Variants in RGS5 observed in about 807,000 individuals in gnomAD.
The protein encoded by RGS5 is regulator of G protein signaling 5.
In RGS5, 20 loss-of-function variants were observed where a neutral mutation model predicts 18.9. The observed-to-expected ratio is 1.06, with a 90% CI of 0.74 to 1.54. The LOEUF is 1.54. Among genes scored for constraint, RGS5 ranks in the 40% most tolerant of loss-of-function variants. RGS5 has a pLI of 0.00. For missense variants in RGS5, 201 were observed against 211.8 expected, an observed-to-expected ratio of 0.95 and a Z score of 0.32; for synonymous variants, 57 against 76.2, an observed-to-expected ratio of 0.75 and a Z score of 1.31.
At chr1:163,197,994 C>A (rs558633670) in intron 1 of RGS5, among the ~76,000 whole-genome samples, 1 of 152,240 alleles carries the variant, frequency 6.6e-6, no homozygotes, top group African/African-American at 2.4e-5. Flanking sequence ...GGAACCTTGA[C>A]TCACTCTAGT....
intron 2 of RGS5, among the ~76,000 whole-genome samples, chr1:163,295,469 T>C (rs374819807): frequency 1.3e-5 from 2 of 152,342 alleles, no homozygotes; most frequent in East Asian, 1.9e-4. Context: ...TGGGAAAGTT[T>C]ATACCCTTAA....
chr1:163,238,575 G>A lies in RGS5; in HGVS notation c.-281+67658C>T, dbSNP rs375128180. ...TTATGGGACAATTGTAGAGCAACCT[G>A]GTGACCATGGTCCTAAAGCTTTGTA... On this transcript the variant is annotated intron_variant, in intron 2 of 5. Transcript: ENST00000618415. The A allele has an allele frequency of 2.0e-4, 34 of 171,666 alleles. No homozygotes were observed. The East Asian group carries it at 4.1e-3, about 21-fold the overall frequency. The allele number at this position is 171,666 out of a possible 1,614,324, so 10.6% of individuals were successfully genotyped here.
chr1:163,203,649 T>G (rs1659859333), upstream of RGS5, among the ~76,000 whole-genome samples: 1 of 152,176 alleles, frequency 6.6e-6, no homozygotes, highest in Non-Finnish European at 1.5e-5. Context: ...CACCAAAATC[T>G]TAGTAGGGAT....
In RGS5 at chr1:163,314,154, A is replaced by G. The variant is rs374705327; in HGVS notation, c.-378+7468T>C. On this transcript the variant is annotated intron_variant, in intron 1 of 5. Coordinates refer to the RGS5 transcript ENST00000618415. ...TCTGCAAATATGCACTATCATTATTATAAAATATTGTATAAAGGTGTATAA... is the reference window on the plus strand; with the variant it reads ...TCTGCAAATATGCACTATCATTATTGTAAAATATTGTATAAAGGTGTATAA... Among the ~76,000 whole-genome samples the G allele has an allele frequency of 3.9e-5, 6 of 152,278 alleles. No individual in the cohort carries two copies. The South Asian group carries it at 8.3e-4, about 21-fold the overall frequency.
At chr1:163,207,640 T>C (rs1022065838), upstream of RGS5, among the ~76,000 whole-genome samples, 42 of 152,342 alleles carry the variant, frequency 2.8e-4, no homozygotes, top group Non-Finnish European at 5.9e-4. Context: ...TTTCCATTTT[T>C]TAAACAACTT....
chr1:163,302,002 G>T (rs868865497), intron 2 of RGS5, among the ~76,000 whole-genome samples: 25 of 139,418 alleles, frequency 1.8e-4, no homozygotes, highest in Middle Eastern at 3.6e-3. Context: ...AATTTTTCCT[G>T]TTTTTTTTTT....
intron 1 of RGS5, among the ~76,000 whole-genome samples, chr1:163,208,516 A>C (rs2492878): frequency 1.8e-5 from 2 of 109,032 alleles, no homozygotes; most frequent in Non-Finnish European, 3.9e-5. Context: ...CTCCACCTCC[A>C]TTAAAAAAAA....
chr1:163,246,280 C>G (rs184201226), intron 2 of RGS5, among the ~76,000 whole-genome samples: 3 of 144,354 alleles, frequency 2.1e-5, no homozygotes, highest in Non-Finnish European at 4.6e-5. Context: ...AAAGAATAGC[C>G]AAGCACAGGG....
chr1:163,243,423 G>A (rs898258374), intron 2 of RGS5, among the ~76,000 whole-genome samples: 1 of 152,012 alleles, frequency 6.6e-6, no homozygotes, highest in Non-Finnish European at 1.5e-5. Context: ...CGAGCGGGGT[G>A]GATCACGAGA....
At chr1:163,272,921 C>T (rs575618239) in intron 2 of RGS5, among the ~76,000 whole-genome samples, 15 of 152,128 alleles carry the variant, frequency 9.9e-5, no homozygotes, top group African/African-American at 3.6e-4. Context: ...GGCTCACACT[C>T]GTGGTTTTGT....
rs150776196 is a variant in RGS5, at chr1:163,147,075, G to C, written c.*267C>G. On this transcript the variant is annotated 3_prime_UTR_variant, in exon 5 of 5. Transcript: ENST00000313961. The stretch of plus-strand genomic sequence containing the variant: ...TCTTTGCCTTAGGCAGGATTTTTCT[G>C]TGATTCTGATTGTGTCTGACTACAA... The C allele has an allele frequency of 3.5e-6, 1 of 288,074 alleles. No homozygotes were observed. The highest frequency in any genetic ancestry group is 5.1e-5 in the Admixed American group (1 of 19,476). The allele number at this position is 288,074 out of a possible 1,614,324, so 17.8% of individuals were successfully genotyped here.
intron 4 of RGS5, among the ~76,000 whole-genome samples, chr1:163,150,331 G>A (rs1380619682): frequency 6.6e-6 from 1 of 152,080 alleles, no homozygotes; most frequent in Non-Finnish European, 1.5e-5. Context: ...AACCAATAAT[G>A]TTTTCCCAGA....
chr1:163,252,670 AG>A (rs35414585), intron 2 of RGS5, among the ~76,000 whole-genome samples: 9,793 of 152,214 alleles, frequency 0.064, 750 homozygotes, highest in African/African-American at 0.19. Context: ...GAATGCTATA[AG>A]AATGCACCAT....
At chr1:163,203,035 G>A (rs1029371206), upstream of RGS5, 11 of 548,076 alleles carry the variant, frequency 2.0e-5, no homozygotes, top group Middle Eastern at 3.8e-4. Flanking sequence ...AGTGGGCCCT[G>A]AGGTGGAGGA....
At chr1:163,233,931 G>A (rs557325848) in intron 2 of RGS5, among the ~76,000 whole-genome samples, 1 of 152,138 alleles carries the variant, frequency 6.6e-6, no homozygotes, top group African/African-American at 2.4e-5. Flanking sequence ...GCAGGAACTG[G>A]CTATTTTCAC....
At chr1:163,230,267 C>A (rs1447758301) in intron 2 of RGS5, among the ~76,000 whole-genome samples, 1 of 152,080 alleles carries the variant, frequency 6.6e-6, no homozygotes, top group African/African-American at 2.4e-5. Flanking sequence ...CCATAATTTC[C>A]CTCTTTACCT....
chr1:163,175,905 A>G (rs1658534796), intron 1 of RGS5, among the ~76,000 whole-genome samples: 1 of 152,190 alleles, frequency 6.6e-6, no homozygotes, highest in Non-Finnish European at 1.5e-5. Context: ...AGTAGTATTA[A>G]TGTGTTATGA....
chr1:163,176,664 G>A (rs1658575382), intron 1 of RGS5, among the ~76,000 whole-genome samples: 1 of 151,730 alleles, frequency 6.6e-6, no homozygotes, highest in Admixed American at 6.6e-5. Context: ...AAAACCCTGT[G>A]CAGCCTCTCC....
chr1:163,286,204 T>A (rs538852394), intron 2 of RGS5, among the ~76,000 whole-genome samples: 1 of 152,178 alleles, frequency 6.6e-6, no homozygotes, highest in Non-Finnish European at 1.5e-5. Flanking sequence ...ATTTACATTG[T>A]ATTAGGTGTT....
Sources: gnomAD v4.1 joint callset for allele counts (sites outside exome capture counted in the v4.1 genomes callset) on GRCh38, gnomAD v4.1.1 for gene constraint, MANE v1.5 for transcripts, NCBI Gene and HGNC (gene_info 2026-07-23, HGNC 2026-07-21) for gene names.